LAMA1: variants seen among roughly 807,000 people sequenced by gnomAD.
LAMA1 encodes the protein laminin subunit alpha 1, also known as laminin subunit alpha-1.
LAMA1 carries 219 observed loss-of-function variants against 348.7 expected under a neutral mutation model. The ratio of observed to expected loss-of-function variants is 0.63; its 90% CI spans 0.56 to 0.70. LAMA1 has a LOEUF of 0.70. Ranked by LOEUF, LAMA1 falls within the 30% of genes least tolerant of loss-of-function variation. LAMA1 has a pLI of 0.00. For missense variants in LAMA1, 3,744 were observed against 3,888.0 expected (o/e 0.96, Z 0.99); for synonymous variants, 1,487 against 1,491.0 (o/e 1.00, Z 0.06).
chr18:7,055,419 C>A (rs1182735813), intron 3 of LAMA1, among the ~76,000 whole-genome samples: 2 of 143,314 alleles, frequency 1.4e-5, no homozygotes, highest in African/African-American at 5.3e-5. Context: ...CACCACTGCA[C>A]TCCCAGCCTG....
At position 7,012,055 on chromosome 18, in the gene LAMA1, C is replaced by A; in HGVS notation, c.3447G>T (p.Pro1149=). The A allele has an allele frequency of 6.2e-7, 1 of 1,612,208 alleles. No individual in the cohort carries two copies. The highest frequency in any genetic ancestry group is 8.5e-7 in the Non-Finnish European group (1 of 1,179,120). The change falls in exon 24 of 63, where the codon CCG becomes CCT. Residue 1149 remains proline (P), a synonymous_variant. Transcript: ENST00000389658. ...GGTGGGACAGCCCGGAGCAGAAGCA[C>A]GGGCTGCAGCCCAGGGGGTTGTCTG... is the stretch of plus-strand genomic sequence containing the variant. The part of the protein sequence containing the change: ...LRADNPLGCS[P]CFCSGLSHLC...
At chr18:6,989,803 G>A (rs551633887) in intron 36 of LAMA1, among the ~76,000 whole-genome samples, 5 of 152,156 alleles carry the variant, frequency 3.3e-5, no homozygotes, top group Non-Finnish European at 7.3e-5. Context: ...CCCCAGGGCT[G>A]GGCTCCACTC....
chr18:7,006,246 C>T (rs2057831214), intron 29 of LAMA1, among the ~76,000 whole-genome samples: 1 of 152,102 alleles, frequency 6.6e-6, no homozygotes, highest in Non-Finnish European at 1.5e-5. Context: ...GCCGCTTAGT[C>T]GTTTACAGTG....
intron 53 of LAMA1, chr18:6,960,532 T>C (rs143981761): frequency 6.6e-6 from 1 of 151,712 alleles, no homozygotes; most frequent in East Asian, 1.9e-4. Flanking sequence ...GAGTGACTAA[T>C]TAATGGCATA....
chr18:6,967,901 C>A (rs539949718), intron 48 of LAMA1, among the ~76,000 whole-genome samples: 9 of 152,066 alleles, frequency 5.9e-5, no homozygotes, highest in Admixed American at 3.9e-4. Context: ...GTTCTCTCCC[C>A]AAACAGGGCC....
rs1228457594 is a variant in LAMA1 at position 6,985,548 on chromosome 18, A to G, written c.5475T>C (p.Asp1825=). The part of the protein sequence containing the change: ...GLIDAAAAQT[D]AVQDALEHLE... ...TTACCTCTAGAGCATCTTGTACAGCATCTGTTTGTGCAGCAGCAGCATCTA... is the reference window on the plus strand; with the variant it reads ...TTACCTCTAGAGCATCTTGTACAGCGTCTGTTTGTGCAGCAGCAGCATCTA... Residue 1825 remains aspartate (D), a synonymous_variant, in exon 38 of 63, where the codon GAT becomes GAC. Transcript: ENST00000389658. 11 of 1,614,094 alleles carry G rather than the reference A, an allele frequency of 6.8e-6. No homozygotes were observed. In the East Asian group the frequency reaches 2.5e-4, roughly 36 times the overall value.
chr18:6,943,429 TTG>T, intron 61 of LAMA1, 27 bp from the exon 62 acceptor site: 2 of 1,591,826 alleles, frequency 1.3e-6, no homozygotes, highest in Non-Finnish European at 1.7e-6. Context: ...TGGTGAGTTT[TTG>T]TGTATTTAAG....
chr18:6,971,433 A>G (rs1379704622), intron 48 of LAMA1, among the ~76,000 whole-genome samples: 3 of 152,192 alleles, frequency 2.0e-5, no homozygotes, highest in African/African-American at 7.2e-5. Flanking sequence ...AAAAATGTAC[A>G]GTGATTTATA....
intron 36 of LAMA1, among the ~76,000 whole-genome samples, chr18:6,991,800 A>G (rs1046020530): frequency 5.4e-4 from 82 of 152,368 alleles, no homozygotes; most frequent in African/African-American, 1.7e-3. Context: ...AAAAGATATA[A>G]AACATTTGAA....
intron 40 of LAMA1, 37 bp from the exon 41 acceptor site, chr18:6,982,627 G>A (rs2057717264): frequency 1.3e-6 from 2 of 1,557,764 alleles, no homozygotes; most frequent in Non-Finnish European, 1.8e-6. Flanking sequence ...GTGAGAGCAG[G>A]GCAGGGTGGA....
At position 7,104,354 on chromosome 18, in the gene LAMA1, A is replaced by G. The variant is rs372434529; in HGVS notation, c.61+13306T>C. On this transcript the variant is annotated intron_variant, in intron 1 of 62. Coordinates refer to ENST00000389658, the MANE Select transcript of LAMA1 (RefSeq NM_005559.4). ...CTCAACAAATATTTACAGAATCTAC[A>G]TTGTATGTCAGGCACTGTGCTAGGC... Among the ~76,000 whole-genome samples, 19 of 152,312 alleles carry G rather than the reference A, an allele frequency of 1.2e-4. No individual in the cohort carries two copies. In the East Asian group the frequency reaches 3.7e-3, roughly 29 times the overall value.
intron 1 of LAMA1, among the ~76,000 whole-genome samples, chr18:7,100,258 A>C (rs755085858): frequency 1.1e-4 from 17 of 152,044 alleles, no homozygotes; most frequent in Non-Finnish European, 2.2e-4. Flanking sequence ...GCATCTGAAA[A>C]GATGCTCAAT....
intron 56 of LAMA1, 21 bp downstream of exon 56, chr18:6,956,615 A>C: frequency 6.2e-7 from 1 of 1,613,874 alleles, no homozygotes; most frequent in Non-Finnish European, 8.5e-7. Context: ...CCTGACTGAT[A>C]GTAAAGGAAG....
chr18:7,078,771 C>T (rs2058181145), intron 3 of LAMA1, among the ~76,000 whole-genome samples: 3 of 151,972 alleles, frequency 2.0e-5, no homozygotes, highest in African/African-American at 7.2e-5. Flanking sequence ...AGGCGGATCA[C>T]GAGGTCAAGA....
chr18:6,983,057 T>G (rs1035734923), intron 40 of LAMA1, 42 bp downstream of exon 40: 17 of 1,613,574 alleles, frequency 1.1e-5, no homozygotes, highest in Admixed American at 6.7e-5. Flanking sequence ...TACAGAAAAA[T>G]CTCCCACAGA....
intron 48 of LAMA1, among the ~76,000 whole-genome samples, chr18:6,967,236 T>G: frequency 6.6e-6 from 1 of 152,358 alleles, no homozygotes; most frequent in African/African-American, 2.4e-5. Flanking sequence ...GCACTCTTGC[T>G]TTTTCAAAAA....
chr18:6,948,435 G>T lies in LAMA1; in HGVS notation c.8678C>A (p.Thr2893Lys). ...NRCYAVAQEGTYFDGSGYAAL... is the reference protein window; with the variant it reads ...NRCYAVAQEGKYFDGSGYAAL... The stretch of plus-strand genomic sequence containing the variant: ...TGCATATCCGCTTCCGTCAAAGTAT[G>T]TTCCTTCCTGGGCCACTGCGTAGCA... The change falls in exon 60 of 63, where the codon ACA (threonine) becomes AAA (lysine). Residue 2893 changes from threonine (T) to lysine (K), a missense_variant. Thr to Lys is a moderately conservative substitution (Grantham distance 78, BLOSUM62 -1). Coordinates refer to ENST00000389658, the MANE Select transcript of LAMA1 (RefSeq NM_005559.4). 6.2e-7 allele frequency: 1 copy of T among 1,614,172 alleles called. No individual in the cohort carries two copies. Among genetic ancestry groups the T allele is most frequent in the Non-Finnish European group, 8.5e-7 (1 of 1,180,032 alleles).
chr18:6,968,090 A>G (rs1390461709), intron 48 of LAMA1, among the ~76,000 whole-genome samples: 2 of 152,246 alleles, frequency 1.3e-5, no homozygotes, highest in Admixed American at 6.5e-5. Context: ...CTGTTCCCCA[A>G]GTGGGTCTCT....
rs372397584 is a variant in LAMA1 at position 7,023,155 on chromosome 18, C to T, written c.2701+9G>A. ...AACAGCTGACCTGACTTCACGCTCA[C>T]GCACTCACCGCGGCAGTTCTTGGCT... On this transcript the variant is annotated intron_variant, in intron 19 of 62. Transcript: ENST00000389658. The T allele has an allele frequency of 3.1e-6, 5 of 1,610,774 alleles. No individual in the cohort carries two copies. Among genetic ancestry groups the T allele is most frequent in the African/African-American group, 1.3e-5 (1 of 74,930 alleles).
Sources: allele counts gnomAD v4.1 joint callset (sites outside exome capture counted in the v4.1 genomes callset), GRCh38; gene constraint gnomAD v4.1.1; transcripts MANE v1.5; gene names NCBI Gene and HGNC (gene_info 2026-07-23, HGNC 2026-07-21).